PRDM16: variants seen among roughly 807,000 people sequenced by gnomAD.
PRDM16 encodes PR/SET domain 16.
Under a neutral mutation model 110.6 loss-of-function variants are expected in PRDM16, and 23 were observed. The observed-to-expected ratio is 0.21, with a 90% confidence interval of 0.15 to 0.29. The LOEUF is 0.29. PRDM16 is among the 10% of genes least tolerant of loss of function. The probability of loss-of-function intolerance (pLI) is 1.00; values close to 1 mark genes in which losing one functional copy is unlikely to be tolerated. For synonymous variants in PRDM16, 799 were observed against 781.8 expected, an observed-to-expected ratio of 1.02 and a Z score of -0.37; for missense variants, 1,615 against 1,794.3, an observed-to-expected ratio of 0.90 and a Z score of 1.81.
chr1:3,285,508 G>A (rs2455111), intron 3 of PRDM16, among the ~76,000 whole-genome samples: 12,402 of 152,174 alleles, frequency 0.081, 1,614 homozygotes, highest in African/African-American at 0.28. Context: ...CTGCCTTCCT[G>A]GGAGCAGGCA....
rs1366054972 is a variant in PRDM16, at chr1:3,201,623, C to A, written c.387+15149C>A. ...TGAGCATGGCCTCGGGGGCTGGGAGCCCCGGCTCTGACGTTTCTCCAGTGA... is the reference window on the plus strand; with the variant it reads ...TGAGCATGGCCTCGGGGGCTGGGAGACCCGGCTCTGACGTTTCTCCAGTGA... On this transcript the variant is annotated intron_variant, in intron 2 of 16. Coordinates refer to ENST00000270722, the MANE Select transcript of PRDM16 (RefSeq NM_022114.4). The surrounding 1 kb of genome is among the most constrained non-coding windows in gnomAD (Gnocchi z 4.1). Among the ~76,000 whole-genome samples the A allele has an allele frequency of 6.6e-6, 1 of 152,206 alleles. No individual in the cohort carries two copies. The highest frequency in any genetic ancestry group is 1.5e-5 in the Non-Finnish European group (1 of 68,032).
intron 1 of PRDM16, among the ~76,000 whole-genome samples, chr1:3,181,398 G>GCA (rs1245140131): frequency 1.1e-4 from 1 of 9,048 alleles, no homozygotes; most frequent in African/African-American, 2.1e-4. Context: ...CCTTACGCAT[G>GCA]GTCTTACACA....
At chr1:3,336,528 G>T (rs142218132) in intron 3 of PRDM16, among the ~76,000 whole-genome samples, 1 of 152,074 alleles carries the variant, frequency 6.6e-6, no homozygotes, top group Non-Finnish European at 1.5e-5. Flanking sequence ...TTGTATGTTG[G>T]TGTGAATCTG....
intron 2 of PRDM16, among the ~76,000 whole-genome samples, chr1:3,203,259 G>A (rs145297178): frequency 2.6e-5 from 4 of 152,016 alleles, no homozygotes; most frequent in Admixed American, 6.5e-5. Context: ...TGCGTCCCAC[G>A]CCACAGGTGG....
At chr1:3,427,529 C>T (rs970320775) in intron 14 of PRDM16, among the ~76,000 whole-genome samples, 3 of 152,164 alleles carry the variant, frequency 2.0e-5, no homozygotes, top group Admixed American at 6.5e-5. Context: ...CAGAGCCCAT[C>T]CCCTCCTCCA....
intron 1 of PRDM16, among the ~76,000 whole-genome samples, chr1:3,150,088 A>C (rs1315590015): frequency 6.6e-6 from 1 of 152,226 alleles, no homozygotes; most frequent in Non-Finnish European, 1.5e-5. Flanking sequence ...AGGACAGGGC[A>C]CAGACATCCC....
Position 3,434,029 on chromosome 1 carries a change from G to A in PRDM16, c.*218G>A, listed in dbSNP as rs1238786876. ...CACCATCTCCAAGGATTGGTCTTGA[G>A]AACACTGTTCAGTGACGGCCATGCA... On this transcript the variant is annotated 3_prime_UTR_variant, in exon 17 of 17. Transcript: ENST00000270722. 2 of 555,296 alleles carry A rather than the reference G, an allele frequency of 3.6e-6. No individual in the cohort carries two copies. Among genetic ancestry groups the A allele is most frequent in the Non-Finnish European group, 6.3e-6 (2 of 316,874 alleles). The allele number at this position is 555,296 out of a possible 1,614,324, so 34.4% of individuals were successfully genotyped here. A position where few individuals can be genotyped will look rare whatever the true frequency, so the allele number is the denominator to read the frequency against.
At chr1:3,111,563 G>C (rs1467476766) in intron 1 of PRDM16, among the ~76,000 whole-genome samples, 1 of 151,956 alleles carries the variant, frequency 6.6e-6, no homozygotes, top group Non-Finnish European at 1.5e-5. Flanking sequence ...GGAAGAGAAG[G>C]AGGAGGAAGG....
rs561851156 is a variant in PRDM16 at position 3,359,357 on chromosome 1, C to A, written c.439-25795C>A. ...AATGTCCATGAAAACAGCCTCAGAA[C>A]TATCAGGGTCTCCCTTCCGACCAGG... On this transcript the variant is annotated intron_variant, in intron 3 of 16. Transcript: ENST00000270722. This position sits in a 1 kb window ranked among gnomAD's most constrained non-coding sequence, Gnocchi z 4.3. Among the ~76,000 whole-genome samples, 3 of 152,340 alleles carry A rather than the reference C, an allele frequency of 2.0e-5. No homozygotes were observed. The East Asian group carries it at 5.8e-4, about 29-fold the overall frequency.
intron 3 of PRDM16, among the ~76,000 whole-genome samples, chr1:3,365,905 C>T (rs1244963885): frequency 6.6e-6 from 1 of 151,310 alleles, no homozygotes; most frequent in African/African-American, 2.4e-5. Context: ...CACGTGCACA[C>T]ACATGCACAC....
chr1:3,270,707 G>A (rs771175743), intron 3 of PRDM16, among the ~76,000 whole-genome samples: 12 of 149,354 alleles, frequency 8.0e-5, no homozygotes, highest in South Asian at 2.2e-4. Context: ...GGACAGTCCC[G>A]GAGGAGGACA....
rs1640263712 is a variant in PRDM16 at position 3,265,412 on chromosome 1, T to TAGTAGGGGCTGAGGTCCTGTCCC, written c.438+21284_438+21306dup. ...CCTGAGACTGATGATGTGAAGGGCC[T>TAGTAGGGGCTGAGGTCCTGTCCC]AGTAGGGGCTGAGGTCCTGTCCCAG... On this transcript the variant is annotated intron_variant, in intron 3 of 16. Transcript: ENST00000270722. This position sits in a 1 kb window ranked among gnomAD's most constrained non-coding sequence, Gnocchi z 4.5. 6.6e-6 allele frequency among the ~76,000 whole-genome samples: 1 copy of TAGTAGGGGCTGAGGTCCTGTCCC among 151,558 alleles called. No homozygotes were observed. Among genetic ancestry groups the TAGTAGGGGCTGAGGTCCTGTCCC allele is most frequent in the South Asian group, 2.1e-4 (1 of 4,774 alleles).
chr1:3,403,451 C>T (rs965058782), intron 6 of PRDM16, among the ~76,000 whole-genome samples: 15 of 152,254 alleles, frequency 9.9e-5, no homozygotes, highest in Non-Finnish European at 4.4e-5. Context: ...ATGGTGGCCC[C>T]ACCCTCCGGA....
At chr1:3,300,470 A>G (rs367978215) in intron 3 of PRDM16, among the ~76,000 whole-genome samples, 1,895 of 98,080 alleles carry the variant, frequency 0.019, 1 homozygote, top group Middle Eastern at 0.11. Context: ...TGATGTTTCC[A>G]ATCCCAGTCG....
intron 3 of PRDM16, among the ~76,000 whole-genome samples, chr1:3,360,201 C>T: frequency 6.6e-6 from 1 of 152,228 alleles, no homozygotes; most frequent in Non-Finnish European, 1.5e-5. Flanking sequence ...TTTTCTGTGG[C>T]AGCTCGAATG....
intron 2 of PRDM16, among the ~76,000 whole-genome samples, chr1:3,203,700 A>G (rs1173046918): frequency 6.6e-6 from 1 of 152,150 alleles, no homozygotes; most frequent in African/African-American, 2.4e-5. Flanking sequence ...CTGTGTCCAC[A>G]TGTCCCCTTT....
Position 3,166,039 on chromosome 1 carries a change from G to A in PRDM16, c.38-20086G>A, listed in dbSNP as rs964442609. Among the ~76,000 whole-genome samples, 4 of 152,328 alleles carry A rather than the reference G, an allele frequency of 2.6e-5. 1 individual carries two copies. Among genetic ancestry groups the A allele is most frequent in the South Asian group, 4.1e-4 (2 of 4,824 alleles). On this transcript the variant is annotated intron_variant, in intron 1 of 16. Transcript: ENST00000270722. ...GGGAAGGGGCTCCCTGGGGCATGTC[G>A]GGGGCCTGGGATGGCGGGCGAGCCC...
At chr1:3,154,395 T>C (rs904557206) in intron 1 of PRDM16, among the ~76,000 whole-genome samples, 3 of 152,112 alleles carry the variant, frequency 2.0e-5, no homozygotes, top group Non-Finnish European at 2.9e-5. Flanking sequence ...GCACATTCTA[T>C]AGGAATAACT....
chr1:3,169,106 C>T (rs1643995250), intron 1 of PRDM16, among the ~76,000 whole-genome samples: 1 of 152,194 alleles, frequency 6.6e-6, no homozygotes, highest in Non-Finnish European at 1.5e-5. Flanking sequence ...ACTTGGAAGG[C>T]TTGTGACAAG....
Sources: allele counts gnomAD v4.1 joint callset (sites outside exome capture counted in the v4.1 genomes callset), GRCh38; gene constraint gnomAD v4.1.1; non-coding constraint Gnocchi (gnomAD v3.1); transcripts MANE v1.5; gene names NCBI Gene and HGNC (gene_info 2026-07-23, HGNC 2026-07-21).